Variants in MDGA2 observed in about 807,000 individuals in gnomAD.
MDGA2 encodes the protein MAM domain-containing glycosylphosphatidylinositol anchor protein 2.
A neutral mutation model predicts 117.8 loss-of-function variants in MDGA2; 40 were observed. The observed-to-expected ratio is 0.34, with a 90% CI of 0.26 to 0.44. The LOEUF is 0.44. Among genes scored for constraint, MDGA2 ranks in the 20% least tolerant of loss-of-function variants. MDGA2 has a pLI of 1.00. For synonymous variants in MDGA2, 452 were observed against 439.0 expected (o/e 1.03, Z -0.37); for missense variants, 1,123 against 1,250.6 (o/e 0.90, Z 1.54).
At chr14:46,886,972 T>C (rs1882701339) in intron 10 of MDGA2, among the ~76,000 whole-genome samples, 1 of 152,050 alleles carries the variant, frequency 6.6e-6, no homozygotes, top group Admixed American at 6.6e-5. Context: ...TCAGCAATTA[T>C]GGTTCAATGA....
At chr14:47,143,271 C>A (rs1259288105) in intron 4 of MDGA2, among the ~76,000 whole-genome samples, 1 of 152,160 alleles carries the variant, frequency 6.6e-6, no homozygotes, top group Non-Finnish European at 1.5e-5. Flanking sequence ...GCCACCACGC[C>A]TAGCCAATTT....
chr14:47,085,205 A>G (rs936530929), intron 6 of MDGA2, among the ~76,000 whole-genome samples: 11 of 152,200 alleles, frequency 7.2e-5, no homozygotes, highest in African/African-American at 2.7e-4. Context: ...GAGGAAAAAC[A>G]GAAAATAATA....
chr14:47,652,898 A>G (rs977758176), intron 1 of MDGA2, among the ~76,000 whole-genome samples: 6 of 152,174 alleles, frequency 3.9e-5, no homozygotes, highest in Non-Finnish European at 5.9e-5. Context: ...GGATTTCAAA[A>G]TCCCTGAGGA....
intron 2 of MDGA2, among the ~76,000 whole-genome samples, chr14:47,276,572 A>G (rs1178717048): frequency 1.3e-5 from 2 of 152,162 alleles, no homozygotes; most frequent in African/African-American, 2.4e-5. Context: ...GGGTCATACT[A>G]TAATTCCATT....
chr14:47,341,019 T>A (rs1890605520), intron 1 of MDGA2, among the ~76,000 whole-genome samples: 1 of 152,190 alleles, frequency 6.6e-6, no homozygotes, highest in South Asian at 2.1e-4. Context: ...TTTAATTTCC[T>A]ATAATTTCAT....
intron 8 of MDGA2, among the ~76,000 whole-genome samples, chr14:46,990,610 A>G (rs1183682617): frequency 6.6e-6 from 1 of 152,038 alleles, no homozygotes; most frequent in Non-Finnish European, 1.5e-5. Context: ...GCTAATGTCT[A>G]GTTACACATT....
At chr14:47,608,558 G>A (rs1344621049) in intron 1 of MDGA2, among the ~76,000 whole-genome samples, 3 of 152,114 alleles carry the variant, frequency 2.0e-5, no homozygotes, top group Non-Finnish European at 4.4e-5. Context: ...AAGTCCAGGT[G>A]GCTATATTAG....
intron 1 of MDGA2, among the ~76,000 whole-genome samples, chr14:47,473,096 C>T (rs1331928816): frequency 3.3e-5 from 5 of 151,940 alleles, no homozygotes; most frequent in East Asian, 1.9e-4. Context: ...GACACCTGGG[C>T]GCAAGGTGTG....
intron 6 of MDGA2, among the ~76,000 whole-genome samples, chr14:47,090,239 G>A (rs1879560204): frequency 6.6e-6 from 1 of 151,986 alleles, no homozygotes; most frequent in Non-Finnish European, 1.5e-5. Context: ...TGTTCCTGGA[G>A]GTTACAGCAT....
At chr14:46,986,712 C>T (rs1886872397) in intron 8 of MDGA2, among the ~76,000 whole-genome samples, 1 of 152,050 alleles carries the variant, frequency 6.6e-6, no homozygotes, top group African/African-American at 2.4e-5. Flanking sequence ...AACACACTGG[C>T]AAATTGTTTG....
chr14:47,184,743 A>G (rs1884844180), intron 3 of MDGA2, among the ~76,000 whole-genome samples: 1 of 151,794 alleles, frequency 6.6e-6, no homozygotes, highest in African/African-American at 2.4e-5. Context: ...CATATTAAAA[A>G]TTTTTAATTA....
At chr14:47,044,654 A>G (rs867121153) in intron 7 of MDGA2, among the ~76,000 whole-genome samples, 8 of 152,188 alleles carry the variant, frequency 5.3e-5, no homozygotes, top group African/African-American at 1.7e-4. Context: ...ACACTGACAC[A>G]CACTTTTAAG....
intron 8 of MDGA2, among the ~76,000 whole-genome samples, chr14:46,968,417 A>G (rs749174495): frequency 6.6e-6 from 1 of 152,240 alleles, no homozygotes; most frequent in Non-Finnish European, 1.5e-5. Flanking sequence ...TGTCCGAGGC[A>G]GAGCAATTAG....
At chr14:47,516,329 A>G (rs549177349) in intron 1 of MDGA2, among the ~76,000 whole-genome samples, 1 of 152,276 alleles carries the variant, frequency 6.6e-6, no homozygotes, top group South Asian at 2.1e-4. Context: ...GCAGACATTT[A>G]TTGTCACCTT....
chr14:46,894,131 A>C (rs1359130546), intron 10 of MDGA2, among the ~76,000 whole-genome samples: 3 of 152,066 alleles, frequency 2.0e-5, no homozygotes, highest in Non-Finnish European at 2.9e-5. Flanking sequence ...TAAATATTTT[A>C]CACATTATTT....
At chr14:47,327,396 A>G (rs936178518) in intron 1 of MDGA2, among the ~76,000 whole-genome samples, 4 of 152,308 alleles carry the variant, frequency 2.6e-5, no homozygotes, top group Non-Finnish European at 4.4e-5. Context: ...ATTAAATTGT[A>G]TGAATTCAGG....
intron 1 of MDGA2, among the ~76,000 whole-genome samples, chr14:47,642,645 C>A (rs887312007): frequency 1.3e-5 from 2 of 150,352 alleles, no homozygotes; most frequent in African/African-American, 4.9e-5. Context: ...CCAGCCCTAT[C>A]TATGTATCTA....
intron 2 of MDGA2, among the ~76,000 whole-genome samples, chr14:47,278,170 G>A (rs919727905): frequency 2.0e-5 from 3 of 151,554 alleles, no homozygotes; most frequent in African/African-American, 4.8e-5. Flanking sequence ...AAAAATAAAC[G>A]AATGAACACA....
intron 1 of MDGA2, among the ~76,000 whole-genome samples, chr14:47,414,550 A>C (rs1003625359): frequency 6.6e-6 from 1 of 152,198 alleles, no homozygotes; most frequent in African/African-American, 2.4e-5. Flanking sequence ...AAATAGTATG[A>C]GATTAAGCAC....
Sources: gnomAD v4.1 joint callset for allele counts (sites outside exome capture counted in the v4.1 genomes callset) on GRCh38, gnomAD v4.1.1 for gene constraint, MANE v1.5 for transcripts, NCBI Gene and HGNC (gene_info 2026-07-23, HGNC 2026-07-21) for gene names.